CALN1: variants seen among roughly 807,000 people sequenced by gnomAD.
CALN1 encodes the protein calneuron 1.
In CALN1, 17 loss-of-function variants were observed where a neutral mutation model predicts 30.6. The ratio of observed to expected loss-of-function variants is 0.56; its 90% CI spans 0.38 to 0.83. The LOEUF is 0.83. Ranked by LOEUF, CALN1 falls within the 40% of genes least tolerant of loss-of-function variation. The pLI is 0.00. For missense variants in CALN1, 291 were observed against 354.9 expected (o/e 0.82, Z 1.45); for synonymous variants, 156 against 131.4 (o/e 1.19, Z -1.28).
chr7:72,208,016 A>ATT (rs1792021069), intron 3 of CALN1, among the ~76,000 whole-genome samples: 1 of 152,228 alleles, frequency 6.6e-6, no homozygotes, highest in Non-Finnish European at 1.5e-5. Flanking sequence ...TGTTAAACTC[A>ATT]GAAGATCATG....
At chr7:71,986,192 C>G (rs1476332894) in intron 5 of CALN1, among the ~76,000 whole-genome samples, 1 of 152,090 alleles carries the variant, frequency 6.6e-6, no homozygotes, top group Non-Finnish European at 1.5e-5. Context: ...GGACCACAGG[C>G]ATGTGCCACC....
intron 5 of CALN1, among the ~76,000 whole-genome samples, chr7:71,883,576 C>T (rs1792714097): frequency 6.6e-6 from 1 of 152,164 alleles, no homozygotes; most frequent in Non-Finnish European, 1.5e-5. Context: ...AGAAGGGCAA[C>T]TCCACCTTGC....
At chr7:72,106,975 GAGAA>G (rs895019069) in intron 3 of CALN1, among the ~76,000 whole-genome samples, 28 of 150,002 alleles carry the variant, frequency 1.9e-4, no homozygotes, top group East Asian at 1.8e-3. Context: ...GGGAGAAAGA[GAGAA>G]AGAAAGAAAG....
chr7:72,059,687 A>G (rs844759), intron 4 of CALN1, among the ~76,000 whole-genome samples: 116,258 of 152,074 alleles, frequency 0.76, 45,239 homozygotes, highest in East Asian at 1. Context: ...ATTTTGGTGA[A>G]TCCTTACAGC....
At chr7:72,398,468 T>G (rs894495449) in intron 2 of CALN1, among the ~76,000 whole-genome samples, 2 of 152,220 alleles carry the variant, frequency 1.3e-5, no homozygotes, top group African/African-American at 2.4e-5. Context: ...TTAGATCACA[T>G]ATCAATAGTG....
intron 5 of CALN1, among the ~76,000 whole-genome samples, chr7:71,904,121 C>T (rs79234529): frequency 0.015 from 2,244 of 152,234 alleles, 43 homozygotes; most frequent in South Asian, 0.046. Flanking sequence ...TTAGTGCAGC[C>T]ATTATGGCAA....
chr7:71,824,442 C>T (rs1317992962), intron 5 of CALN1, among the ~76,000 whole-genome samples: 1 of 152,072 alleles, frequency 6.6e-6, no homozygotes, highest in Non-Finnish European at 1.5e-5. Context: ...CTCAGGGGTG[C>T]CTGAGTCCCC....
At chr7:72,240,059 C>A (rs764519466) in intron 3 of CALN1, among the ~76,000 whole-genome samples, 27 of 152,276 alleles carry the variant, frequency 1.8e-4, no homozygotes, top group Admixed American at 8.5e-4. Context: ...TGGAGAGAAT[C>A]CTAGCCTCAA....
intron 4 of CALN1, among the ~76,000 whole-genome samples, chr7:72,085,161 A>G (rs1428973230): frequency 6.6e-6 from 1 of 152,070 alleles, no homozygotes; most frequent in African/African-American, 2.4e-5. Flanking sequence ...CCATCTCATC[A>G]CAAAGGCACT....
At chr7:72,374,097 G>C (rs890073244) in intron 2 of CALN1, among the ~76,000 whole-genome samples, 1 of 152,198 alleles carries the variant, frequency 6.6e-6, no homozygotes, top group Non-Finnish European at 1.5e-5. Flanking sequence ...CAGTGGACCT[G>C]CTCTAAAACA....
At chr7:72,342,258 CAAAAAAAAAA>C (rs35193419) in intron 2 of CALN1, among the ~76,000 whole-genome samples, 20 of 126,634 alleles carry the variant, frequency 1.6e-4, no homozygotes, top group African/African-American at 5.7e-4. Context: ...GACTTTGTCT[CAAAAAAAAAA>C]AAAAAAAATC....
At chr7:72,091,654 T>C (rs1465929389) in intron 4 of CALN1, among the ~76,000 whole-genome samples, 2 of 152,194 alleles carry the variant, frequency 1.3e-5, no homozygotes, top group East Asian at 3.8e-4. Flanking sequence ...GGTTGCAAAC[T>C]CTAAAGCCTA....
intron 5 of CALN1, among the ~76,000 whole-genome samples, chr7:71,839,779 C>G (rs1789826261): frequency 6.6e-6 from 1 of 152,132 alleles, no homozygotes; most frequent in Non-Finnish European, 1.5e-5. Flanking sequence ...TCTCAAGGCA[C>G]TAATTACAAA....
At chr7:71,981,233 TTTTCC>T (rs1404805299) in intron 5 of CALN1, among the ~76,000 whole-genome samples, 1 of 152,152 alleles carries the variant, frequency 6.6e-6, no homozygotes, top group African/African-American at 2.4e-5. Flanking sequence ...ATCTCTCTGA[TTTTCC>T]CCTGCCCCCC....
chr7:71,856,331 C>T (rs1165533068), intron 5 of CALN1, among the ~76,000 whole-genome samples: 3 of 151,700 alleles, frequency 2.0e-5, no homozygotes, highest in Non-Finnish European at 2.9e-5. Context: ...CTCTGTGGCC[C>T]AGGTTGGAGT....
intron 3 of CALN1, among the ~76,000 whole-genome samples, chr7:72,272,175 A>C (rs1797040131): frequency 1.3e-5 from 2 of 152,124 alleles, no homozygotes; most frequent in African/African-American, 4.8e-5. Flanking sequence ...AACTACTAAA[A>C]TGGAACCCCA....
chr7:72,420,663 G>T (rs1401647319), intron 1 of CALN1, among the ~76,000 whole-genome samples: 1 of 138,406 alleles, frequency 7.2e-6, no homozygotes, highest in African/African-American at 2.8e-5. Context: ...TCGCTCTGTC[G>T]CCCAGGCTGG....
intron 5 of CALN1, among the ~76,000 whole-genome samples, chr7:71,902,063 C>T (rs1360394462): frequency 6.6e-6 from 1 of 152,092 alleles, no homozygotes; most frequent in Non-Finnish European, 1.5e-5. Flanking sequence ...GGAACTCAAA[C>T]AATTCAACAA....
At chr7:72,037,508 T>C (rs923312544) in intron 4 of CALN1, among the ~76,000 whole-genome samples, 2 of 152,132 alleles carry the variant, frequency 1.3e-5, no homozygotes, top group African/African-American at 4.8e-5. Flanking sequence ...AAAAAATAAA[T>C]AAAATGTAAA....
Sources: gnomAD v4.1 joint callset for allele counts (sites outside exome capture counted in the v4.1 genomes callset) on GRCh38, gnomAD v4.1.1 for gene constraint, MANE v1.5 for transcripts, NCBI Gene and HGNC (gene_info 2026-07-23, HGNC 2026-07-21) for gene names.